The following GPHN variants were observed in gnomAD, a reference collection of about 807,000 sequenced individuals.
GPHN encodes the protein gephyrin.
In GPHN, 17 loss-of-function variants were observed where a neutral mutation model predicts 95.5. The ratio of observed to expected loss-of-function variants is 0.18; its 90% CI spans 0.12 to 0.27. GPHN has a LOEUF of 0.27. Among genes scored for constraint, GPHN ranks in the 10% least tolerant of loss-of-function variants. The pLI, the probability that GPHN is intolerant of heterozygous loss-of-function variation, is 1.00. For missense variants in GPHN, 660 were observed against 978.1 expected (o/e 0.67, Z 4.34); for synonymous variants, 320 against 322.5 (o/e 0.99, Z 0.08).
At chr14:66,835,134 A>T (rs1356801256) in intron 4 of GPHN, among the ~76,000 whole-genome samples, 2 of 149,936 alleles carry the variant, frequency 1.3e-5, no homozygotes, top group Admixed American at 6.7e-5. Context: ...TGTCTATTTG[A>T]TTCTTCTCTC....
intron 2 of GPHN, among the ~76,000 whole-genome samples, chr14:66,746,250 G>A (rs6573720): frequency 0.16 from 24,340 of 151,988 alleles, 3,753 homozygotes; most frequent in East Asian, 0.45. Flanking sequence ...ATAAAAACCC[G>A]CCAAACTGTT....
intron 1 of GPHN, among the ~76,000 whole-genome samples, chr14:66,561,251 C>T (rs1056574502): frequency 2.0e-5 from 3 of 152,158 alleles, no homozygotes; most frequent in Non-Finnish European, 4.4e-5. Flanking sequence ...TGATGCTGGC[C>T]TCATAAAATG....
chr14:67,445,251 C>T, the GPHN span, among the ~76,000 whole-genome samples: 6 of 151,996 alleles, frequency 3.9e-5, no homozygotes, highest in Admixed American at 3.9e-4. Flanking sequence ...CGTGGGAACA[C>T]CTAAATTTGT....
chr14:66,760,932 G>T (rs1341709618), intron 2 of GPHN: 1 of 923,570 alleles, frequency 1.1e-6, no homozygotes, highest in Non-Finnish European at 1.7e-6. Context: ...TCTTATCCGA[G>T]CCTCTTTTGC....
intron 9 of GPHN, among the ~76,000 whole-genome samples, chr14:67,004,777 C>G (rs1414662092): frequency 6.6e-6 from 1 of 151,694 alleles, no homozygotes; most frequent in Non-Finnish European, 1.5e-5. Flanking sequence ...CGTAATACCT[C>G]TTTAGACCAC....
In GPHN at chr14:66,640,567, C is replaced by T. The variant is rs2064337031; in HGVS notation, c.65-40540C>T. ...TGGGGTTTTTTAACTATACCACTCT[C>T]TTATTGTTATACTATGAAATGTCCA... On this transcript the variant is annotated intron_variant, in intron 1 of 22. Transcript: ENST00000478722. Among the ~76,000 whole-genome samples, 7 of 152,284 alleles carry T rather than the reference C, an allele frequency of 4.6e-5. No individual in the cohort carries two copies. The South Asian group carries it at 1.5e-3, about 32-fold the overall frequency.
intron 8 of GPHN, among the ~76,000 whole-genome samples, chr14:66,933,587 CTT>C (rs575059045): frequency 7.8e-4 from 118 of 152,246 alleles, no homozygotes; most frequent in African/African-American, 2.4e-3. Context: ...GATATAAGCC[CTT>C]ACCTCACCAC....
At chr14:66,906,097 G>A (rs2065368865) in intron 5 of GPHN, among the ~76,000 whole-genome samples, 1 of 151,796 alleles carries the variant, frequency 6.6e-6, no homozygotes, top group African/African-American at 2.4e-5. Flanking sequence ...CCCTTCTCGG[G>A]TGAGGGAGGT....
chr14:66,878,630 T>C, intron 4 of GPHN, among the ~76,000 whole-genome samples: 1 of 152,160 alleles, frequency 6.6e-6, no homozygotes. Context: ...GGGTCACTGG[T>C]CATTAGAAAA....
chr14:66,802,255 C>T (rs576097533), intron 3 of GPHN, among the ~76,000 whole-genome samples: 1 of 152,310 alleles, frequency 6.6e-6, no homozygotes, highest in South Asian at 2.1e-4. Context: ...CCATCTCAGG[C>T]TTATGGCGAG....
chr14:67,733,781 G>A, the GPHN span: 6 of 1,613,262 alleles, frequency 3.7e-6, no homozygotes, highest in Admixed American at 1.7e-5. Flanking sequence ...CCAAGGGCCC[G>A]AAATAACAAA....
chr14:67,502,255 T>C, the GPHN span, among the ~76,000 whole-genome samples: 6 of 148,272 alleles, frequency 4.0e-5, no homozygotes, highest in South Asian at 2.2e-4. Flanking sequence ...CACTTGAACC[T>C]GGGAGGTGGA....
chr14:67,673,134 G>A, the GPHN span, among the ~76,000 whole-genome samples: 1 of 152,192 alleles, frequency 6.6e-6, no homozygotes, highest in Non-Finnish European at 1.5e-5. Flanking sequence ...CTTGAGGTCA[G>A]GAGTTAGAGA....
chr14:67,226,306 C>A, the GPHN span, among the ~76,000 whole-genome samples: 1 of 140,666 alleles, frequency 7.1e-6, no homozygotes, highest in Admixed American at 7.0e-5. Context: ...GTTCTCATGC[C>A]TCAGCCTCCT....
At chr14:67,012,751 T>C (rs1271529416) in intron 9 of GPHN, among the ~76,000 whole-genome samples, 3 of 152,166 alleles carry the variant, frequency 2.0e-5, no homozygotes, top group African/African-American at 2.4e-5. Flanking sequence ...ACAAAACATT[T>C]GAGCCTTTGC....
the GPHN span, among the ~76,000 whole-genome samples, chr14:67,655,028 C>A: frequency 3.5e-3 from 154 of 43,410 alleles, no homozygotes; most frequent in South Asian, 0.012. Context: ...GACTCCATCT[C>A]AAAAAAAAAA....
At chr14:66,749,578 A>G (rs1374040790) in intron 2 of GPHN, among the ~76,000 whole-genome samples, 1 of 151,792 alleles carries the variant, frequency 6.6e-6, no homozygotes, top group Non-Finnish European at 1.5e-5. Context: ...ATTAATTTGC[A>G]TTTTACTGAT....
At chr14:66,651,818 T>C (rs1383230875) in intron 1 of GPHN, among the ~76,000 whole-genome samples, 1 of 151,814 alleles carries the variant, frequency 6.6e-6, no homozygotes, top group Non-Finnish European at 1.5e-5. Context: ...ATTTTGGGCG[T>C]CACTATCTCC....
At chr14:67,035,119 A>G (rs2074358635) in intron 10 of GPHN, among the ~76,000 whole-genome samples, 1 of 151,982 alleles carries the variant, frequency 6.6e-6, no homozygotes, top group Non-Finnish European at 1.5e-5. Context: ...AGATACACAA[A>G]TATGTGAAAA....
Sources: allele counts gnomAD v4.1 joint callset (sites outside exome capture counted in the v4.1 genomes callset), GRCh38; gene constraint gnomAD v4.1.1; transcripts MANE v1.5; gene names NCBI Gene and HGNC (gene_info 2026-07-23, HGNC 2026-07-21).